Variants in IPO11 observed in about 807,000 individuals in gnomAD.
The protein encoded by IPO11 is importin 11, also known as importin-11.
Under a neutral mutation model 143.2 loss-of-function variants are expected in IPO11, and 66 were observed. That is an observed-to-expected ratio of 0.46 (90% confidence interval 0.38 to 0.57). The LOEUF (loss-of-function observed/expected upper bound fraction) is 0.57. IPO11 is among the 20% of genes least tolerant of loss of function. The pLI, the probability that IPO11 is intolerant of heterozygous loss-of-function variation, is 0.00. For synonymous variants in IPO11, 385 were observed against 377.8 expected, an observed-to-expected ratio of 1.02 and a Z score of -0.22; for missense variants, 1,026 against 1,141.0, an observed-to-expected ratio of 0.90 and a Z score of 1.45.
At chr5:62,594,726 A>G (rs374866817) in intron 28 of IPO11, among the ~76,000 whole-genome samples, 2 of 152,182 alleles carry the variant, frequency 1.3e-5, no homozygotes, top group South Asian at 2.1e-4. Flanking sequence ...CAAACTGTTT[A>G]CACCAGGCAC....
intron 19 of IPO11, among the ~76,000 whole-genome samples, chr5:62,507,998 C>CT (rs148649294): frequency 0.03 from 4,561 of 151,626 alleles, 226 homozygotes; most frequent in African/African-American, 0.11. Flanking sequence ...TTGTCTGATT[C>CT]TTTTTTTTTC....
Position 62,536,831 on chromosome 5 carries a change from G to T in IPO11, c.2169+50G>T, listed in dbSNP as rs1742751143. The T allele has an allele frequency of 2.2e-6, 3 of 1,388,066 alleles. No individual in the cohort carries two copies. The South Asian group carries it at 5.0e-5, about 23-fold the overall frequency. The allele number at this position is 1,388,066 out of a possible 1,614,324, so 86.0% of individuals were successfully genotyped here. Reference sequence around the variant, plus strand: ...TATGAAATTATATAATTATTATTTTGATTATTATTTGAAATCAGGGGGTAC... The same window carrying T: ...TATGAAATTATATAATTATTATTTTTATTATTATTTGAAATCAGGGGGTAC... On this transcript the variant is annotated intron_variant, in intron 23 of 29. Coordinates refer to ENST00000325324, the MANE Select transcript of IPO11 (RefSeq NM_016338.5).
chr5:62,626,380 C>T (rs538382328), intron 29 of IPO11, among the ~76,000 whole-genome samples: 36 of 152,218 alleles, frequency 2.4e-4, no homozygotes, highest in Admixed American at 1.8e-3. Flanking sequence ...AAACCAACAT[C>T]GGTGCATTAT....
intron 24 of IPO11, among the ~76,000 whole-genome samples, chr5:62,547,015 A>G (rs1221177160): frequency 6.6e-6 from 1 of 152,176 alleles, no homozygotes; most frequent in African/African-American, 2.4e-5. Flanking sequence ...TTAGGGGGAA[A>G]AATAAAAACA....
At position 62,586,493 on chromosome 5, in the gene IPO11, G is replaced by A. The variant is rs189558386; in HGVS notation, c.2583-5084G>A. Among the ~76,000 whole-genome samples the A allele has an allele frequency of 2.0e-3, 308 of 152,060 alleles. 2 individuals are homozygous for A. Among genetic ancestry groups the A allele is most frequent in the African/African-American group, 7.3e-3 (301 of 41,504 alleles). ...AAATAACTTTGGTAACATGAACAGA[G>A]TTGGCCTTTTTGATTTGTTCTTAAA... On this transcript the variant is annotated intron_variant, in intron 27 of 29. Transcript: ENST00000325324.
chr5:62,509,976 A>G (rs1024463511), intron 19 of IPO11, among the ~76,000 whole-genome samples: 2 of 152,176 alleles, frequency 1.3e-5, no homozygotes, highest in Admixed American at 1.3e-4. Context: ...GCTCAATGCT[A>G]CTTTCCATAG....
At chr5:62,567,775 T>A (rs1161766489) in intron 27 of IPO11, among the ~76,000 whole-genome samples, 1 of 151,764 alleles carries the variant, frequency 6.6e-6, no homozygotes, top group African/African-American at 2.4e-5. Context: ...TTGGTCAGGC[T>A]GGTCTCAAAC....
chr5:62,450,329 A>G (rs1744865924), intron 4 of IPO11, among the ~76,000 whole-genome samples: 1 of 152,170 alleles, frequency 6.6e-6, no homozygotes, highest in Non-Finnish European at 1.5e-5. Context: ...GACTGCATGT[A>G]TAATCGTGGT....
intron 28 of IPO11, among the ~76,000 whole-genome samples, chr5:62,600,504 A>G (rs1745467501): frequency 6.6e-6 from 1 of 152,254 alleles, no homozygotes. Flanking sequence ...CAGGTCTGCA[A>G]CAGACATAAA....
At chr5:62,609,413 C>T (rs1258899787) in intron 29 of IPO11, among the ~76,000 whole-genome samples, 1 of 152,216 alleles carries the variant, frequency 6.6e-6, no homozygotes, top group Non-Finnish European at 1.5e-5. Flanking sequence ...TTCTCACAGT[C>T]ATGGAAGATC....
intron 29 of IPO11, among the ~76,000 whole-genome samples, chr5:62,623,482 A>C (rs962442447): frequency 6.6e-6 from 1 of 152,194 alleles, no homozygotes; most frequent in African/African-American, 2.4e-5. Flanking sequence ...GGGCTCTTGG[A>C]TCTCACACAA....
intron 29 of IPO11, 91 bp downstream of exon 29, chr5:62,601,939 A>G: frequency 1.4e-6 from 1 of 702,136 alleles, no homozygotes; most frequent in Non-Finnish European, 2.3e-6. Context: ...TTGTCCATCC[A>G]GCTATATGTC....
At chr5:62,416,715 C>CTTTTTTTTTTTTTTTTTTT (rs11295932) in intron 1 of IPO11, among the ~76,000 whole-genome samples, 1 of 144,138 alleles carries the variant, frequency 6.9e-6, no homozygotes, top group African/African-American at 2.6e-5. Flanking sequence ...CTCTTATTAT[C>CTTTTTTTTTTTTTTTTTTT]TTTTTTTTTT....
Position 62,587,850 on chromosome 5 carries a change from C to T in IPO11, c.2583-3727C>T, listed in dbSNP as rs181459355. The stretch of plus-strand genomic sequence containing the variant: ...GAGGTTAAATTGACTTGCCCAAGGC[C>T]GTGTAGCTAGTCACTGGTGGAGCGA... On this transcript the variant is annotated intron_variant, in intron 27 of 29. Transcript: ENST00000325324. Among the ~76,000 whole-genome samples the T allele has an allele frequency of 1.2e-4, 18 of 152,236 alleles. No individual in the cohort carries two copies. In the East Asian group the frequency reaches 2.5e-3, roughly 21 times the overall value.
At chr5:62,562,311 TTAGATCTTTATGTCTTAG>T (rs755544739) in intron 27 of IPO11, 8 of 152,236 alleles carry the variant, frequency 5.3e-5, no homozygotes, top group Non-Finnish European at 8.8e-5. Flanking sequence ...TGATACTACA[TTAGATCTTTATGTCTTAG>T]GACAGCGGTC....
rs189109257 is a variant in IPO11 at position 62,521,707 on chromosome 5, G to A, written c.1897-4435G>A. Among the ~76,000 whole-genome samples, 378 of 151,094 alleles carry A rather than the reference G, an allele frequency of 2.5e-3. 2 individuals carry two copies. Among genetic ancestry groups the A allele is most frequent in the African/African-American group, 8.7e-3 (359 of 41,308 alleles). On this transcript the variant is annotated intron_variant, in intron 20 of 29. Coordinates refer to ENST00000325324, the MANE Select transcript of IPO11 (RefSeq NM_016338.5). ...ACATGATAGATATTCTGAACCAGTC[G>A]TCTGATTTTCTTTGTTTCCTTCCTG...
At chr5:62,598,071 A>C (rs1013494313) in intron 28 of IPO11, among the ~76,000 whole-genome samples, 6 of 152,308 alleles carry the variant, frequency 3.9e-5, no homozygotes, top group Middle Eastern at 3.4e-3. Flanking sequence ...TTTAAGATCA[A>C]GGCAATCCTT....
intron 22 of IPO11, among the ~76,000 whole-genome samples, chr5:62,536,219 T>C (rs565793650): frequency 3.3e-5 from 5 of 152,270 alleles, no homozygotes; most frequent in Admixed American, 6.5e-5. Context: ...TGTCAAAATA[T>C]GATGGTAAAA....
chr5:62,448,694 G>A (rs1281790815), intron 3 of IPO11, among the ~76,000 whole-genome samples: 1 of 152,036 alleles, frequency 6.6e-6, no homozygotes. Context: ...CAGACTACAG[G>A]TGTATGCCAC....
Sources: gnomAD v4.1 joint callset for allele counts (sites outside exome capture counted in the v4.1 genomes callset) on GRCh38, gnomAD v4.1.1 for gene constraint, MANE v1.5 for transcripts, NCBI Gene and HGNC (gene_info 2026-07-23, HGNC 2026-07-21) for gene names.